Variants in ST6GALNAC3 observed in about 807,000 individuals in gnomAD.
ST6GALNAC3 encodes the protein alpha-N-acetylgalactosaminide alpha-2,6-sialyltransferase 3.
ST6GALNAC3 carries 25 observed loss-of-function variants against 32.7 expected under a neutral mutation model. The observed-to-expected ratio is 0.76, with a 90% CI of 0.56 to 1.07. The LOEUF is 1.07. Ranked by LOEUF, ST6GALNAC3 falls within the 50% of genes least tolerant of loss-of-function variation. The pLI is 0.00. For missense variants in ST6GALNAC3, 355 were observed against 382.4 expected (o/e 0.93, Z 0.60); for synonymous variants, 129 against 133.1 (o/e 0.97, Z 0.21).
chr1:76,452,558 C>T (rs1247783663), intron 3 of ST6GALNAC3, among the ~76,000 whole-genome samples: 1 of 151,686 alleles, frequency 6.6e-6, no homozygotes, highest in Non-Finnish European at 1.5e-5. Context: ...GTTTTTAATT[C>T]TGTTTTTGTG....
chr1:76,374,327 AC>A (rs1651053681), intron 2 of ST6GALNAC3, among the ~76,000 whole-genome samples: 1 of 152,182 alleles, frequency 6.6e-6, no homozygotes, highest in African/African-American at 2.4e-5. Context: ...TGTTTGCTTC[AC>A]CTGGTGGAAT....
intron 3 of ST6GALNAC3, among the ~76,000 whole-genome samples, chr1:76,552,161 C>T (rs925646219): frequency 6.6e-6 from 1 of 152,172 alleles, no homozygotes; most frequent in Non-Finnish European, 1.5e-5. Context: ...TGAGCTCCCT[C>T]TCTGGAGCAA....
At chr1:76,555,626 G>A (rs966611480) in intron 3 of ST6GALNAC3, among the ~76,000 whole-genome samples, 1 of 152,226 alleles carries the variant, frequency 6.6e-6, no homozygotes, top group African/African-American at 2.4e-5. Context: ...TTGAGGATAA[G>A]GTGGAGAGAG....
intron 3 of ST6GALNAC3, among the ~76,000 whole-genome samples, chr1:76,464,588 T>A (rs1167300208): frequency 6.6e-6 from 1 of 152,176 alleles, no homozygotes; most frequent in Non-Finnish European, 1.5e-5. Flanking sequence ...CCATCTGTTC[T>A]CAGAAAAGAA....
In ST6GALNAC3 at chr1:76,334,720, A is replaced by G. The variant is rs145478756; in HGVS notation, c.213+20721A>G. On this transcript the variant is annotated intron_variant, in intron 2 of 4. Transcript: ENST00000328299. ...CAGACTCCTCCTGTAAACACAGCTG[A>G]AACCCTAGAAAGTATAATTTAGAAA... is the stretch of plus-strand genomic sequence containing the variant. Among the ~76,000 whole-genome samples, 509 of 152,324 alleles carry G rather than the reference A, an allele frequency of 3.3e-3. 3 individuals carry two copies. The highest frequency in any genetic ancestry group is 0.012 in the African/African-American group (495 of 41,582).
intron 1 of ST6GALNAC3, among the ~76,000 whole-genome samples, chr1:76,173,836 A>G (rs1652677878): frequency 2.0e-5 from 3 of 152,236 alleles, no homozygotes; most frequent in Non-Finnish European, 2.9e-5. Flanking sequence ...CCAGGAAACA[A>G]TAGATGCTGG....
At chr1:76,178,780 CTG>C (rs1388591746) in intron 1 of ST6GALNAC3, among the ~76,000 whole-genome samples, 24 of 152,198 alleles carry the variant, frequency 1.6e-4, no homozygotes, top group Admixed American at 3.9e-4. Flanking sequence ...CAGAGCTCTG[CTG>C]GCTGAATTGG....
intron 2 of ST6GALNAC3, among the ~76,000 whole-genome samples, chr1:76,337,594 G>A (rs1354744982): frequency 1.3e-5 from 2 of 152,102 alleles, no homozygotes; most frequent in African/African-American, 4.8e-5. Flanking sequence ...TTGTGGCCTG[G>A]GGGTCACGAT....
intron 3 of ST6GALNAC3, among the ~76,000 whole-genome samples, chr1:76,546,482 A>G (rs1033251274): frequency 5.9e-5 from 9 of 152,238 alleles, no homozygotes; most frequent in Non-Finnish European, 1.3e-4. Flanking sequence ...TTTAGAATTC[A>G]CTAATGATTC....
At chr1:76,588,657 C>T (rs563481952) in intron 3 of ST6GALNAC3, among the ~76,000 whole-genome samples, 26 of 152,294 alleles carry the variant, frequency 1.7e-4, no homozygotes, top group Non-Finnish European at 3.7e-4. Context: ...TTTTGACAAT[C>T]ACGGGTACTA....
chr1:76,428,669 T>C (rs1001958727), intron 3 of ST6GALNAC3, among the ~76,000 whole-genome samples: 1 of 152,066 alleles, frequency 6.6e-6, no homozygotes, highest in Non-Finnish European at 1.5e-5. Context: ...TGCCCACTAA[T>C]GGGAAAATTG....
At chr1:76,327,830 T>G (rs1557790840) in intron 2 of ST6GALNAC3, among the ~76,000 whole-genome samples, 1 of 152,168 alleles carries the variant, frequency 6.6e-6, no homozygotes, top group Non-Finnish European at 1.5e-5. Context: ...CCTCAAGTGA[T>G]CTGCACTCTT....
chr1:76,546,803 A>G (rs1339683572), intron 3 of ST6GALNAC3, among the ~76,000 whole-genome samples: 2 of 152,220 alleles, frequency 1.3e-5, no homozygotes, highest in Non-Finnish European at 2.9e-5. Flanking sequence ...ACGGAATAAC[A>G]GTTCCTCTGT....
At chr1:76,578,548 A>G (rs917698136) in intron 3 of ST6GALNAC3, among the ~76,000 whole-genome samples, 3 of 151,988 alleles carry the variant, frequency 2.0e-5, no homozygotes, top group Non-Finnish European at 4.4e-5. Flanking sequence ...TATTTTATCT[A>G]TTCAGTATTA....
At chr1:76,164,837 T>C (rs1652024244) in intron 1 of ST6GALNAC3, among the ~76,000 whole-genome samples, 1 of 152,056 alleles carries the variant, frequency 6.6e-6, no homozygotes, top group South Asian at 2.1e-4. Flanking sequence ...AAAAAAAATA[T>C]GTGATTGAAA....
At chr1:76,565,589 G>A (rs984541612) in intron 3 of ST6GALNAC3, among the ~76,000 whole-genome samples, 8 of 152,296 alleles carry the variant, frequency 5.3e-5, no homozygotes, top group Admixed American at 2.6e-4. Context: ...TGTCCTTCCT[G>A]CATTATAGAA....
Position 76,289,462 on chromosome 1 carries a change from T to C in ST6GALNAC3, c.19-24343T>C, listed in dbSNP as rs576433418. ...TTTAAGAAGCACCTGGCACATAGTA[T>C]GGAATAGTTAGCTTACATCATGGGT... On this transcript the variant is annotated intron_variant, in intron 1 of 4. Transcript: ENST00000328299. Among the ~76,000 whole-genome samples the C allele has an allele frequency of 8.5e-5, 13 of 152,326 alleles. No homozygotes were observed. The South Asian group carries it at 2.3e-3, about 27-fold the overall frequency.
At chr1:76,483,212 T>C (rs113802650) in intron 3 of ST6GALNAC3, among the ~76,000 whole-genome samples, 1 of 152,214 alleles carries the variant, frequency 6.6e-6, no homozygotes, top group African/African-American at 2.4e-5. Flanking sequence ...TATAGCAGCA[T>C]GATTTGTAAT....
intron 2 of ST6GALNAC3, among the ~76,000 whole-genome samples, chr1:76,315,799 G>T (rs1046134610): frequency 1.3e-5 from 2 of 152,052 alleles, no homozygotes; most frequent in African/African-American, 4.8e-5. Context: ...TTATTTTGAG[G>T]ATAAAATAAG....
Sources: allele counts gnomAD v4.1 joint callset (sites outside exome capture counted in the v4.1 genomes callset), GRCh38; gene constraint gnomAD v4.1.1; transcripts MANE v1.5; gene names NCBI Gene and HGNC (gene_info 2026-07-23, HGNC 2026-07-21).